NEK8: variants seen among roughly 807,000 people sequenced by gnomAD.
NEK8 encodes NIMA related kinase 8.
In NEK8, 51 loss-of-function variants were observed where a neutral mutation model predicts 77.2. The ratio of observed to expected loss-of-function variants is 0.66; its 90% confidence interval spans 0.53 to 0.83. NEK8 has a LOEUF of 0.83. Ranked by LOEUF, NEK8 falls within the 40% of genes least tolerant of loss-of-function variation. NEK8 has a pLI of 0.00. For missense variants in NEK8, 787 were observed against 909.2 expected, an observed-to-expected ratio of 0.87 and a Z score of 1.73; for synonymous variants, 365 against 363.2, an observed-to-expected ratio of 1.00 and a Z score of -0.06.
Position 28,742,033 on chromosome 17 carries a change from T to C in NEK8, c.*46T>C, listed in dbSNP as rs1170653843. Reference sequence around the variant, plus strand: ...GACCACCCTGATATTGCTTCTCCTCTGAATGCTCTGAAAAGTGCAGGTGCC... The same window carrying C: ...GACCACCCTGATATTGCTTCTCCTCCGAATGCTCTGAAAAGTGCAGGTGCC... On this transcript the variant is annotated 3_prime_UTR_variant, in exon 15 of 15. Coordinates refer to ENST00000268766, the MANE Select transcript of NEK8 (RefSeq NM_178170.3). 6.3e-7 allele frequency: 1 copy of C among 1,589,030 alleles called. No homozygotes were observed.
chr17:28,741,284 G>A lies in NEK8; in HGVS notation c.1891+48G>A. On this transcript the variant is annotated intron_variant, in intron 13 of 14. Coordinates refer to ENST00000268766, the MANE Select transcript of NEK8 (RefSeq NM_178170.3). The surrounding 1 kb of genome is among the most constrained non-coding windows in gnomAD (Gnocchi z 4.5). ...GCAGACAGTGCCATGAGCAGTGGGG[G>A]GTGGGGGTTGCTATTCAGGGCCACT... The A allele has an allele frequency of 6.3e-7, 1 of 1,593,182 alleles. No homozygotes were observed. Among genetic ancestry groups the A allele is most frequent in the Non-Finnish European group, 8.6e-7 (1 of 1,167,916 alleles).
intron 1 of NEK8, among the ~76,000 whole-genome samples, chr17:28,730,945 AAAAGAAAGAAAGG>A (rs904714731): frequency 5.3e-5 from 8 of 151,660 alleles, no homozygotes; most frequent in African/African-American, 1.9e-4. Flanking sequence ...ATACAAGAAA[AAAAGAAAGAAAGG>A]AAAGAAAGAA....
At position 28,740,706 on chromosome 17, in the gene NEK8, A is replaced by C; in HGVS notation, c.1568+93A>C. On this transcript the variant is annotated intron_variant, in intron 11 of 14. Coordinates refer to ENST00000268766, the MANE Select transcript of NEK8 (RefSeq NM_178170.3). This position sits in a 1 kb window ranked among gnomAD's most constrained non-coding sequence, Gnocchi z 4.7. Reference sequence around the variant, plus strand: ...TTGCCTACCTTTCACCAAAGACCAGAATTGAGGGGGTTGAGGGTGCTATTG... The same window carrying C: ...TTGCCTACCTTTCACCAAAGACCAGCATTGAGGGGGTTGAGGGTGCTATTG... The C allele has an allele frequency of 1.3e-6, 2 of 1,583,886 alleles. No individual in the cohort carries two copies. The highest frequency in any genetic ancestry group is 1.7e-6 in the Non-Finnish European group (2 of 1,153,602).
rs551218741 is a variant in NEK8, at chr17:28,734,628, A to T, written c.254-144A>T. On this transcript the variant is annotated intron_variant, in intron 2 of 14. Transcript: ENST00000268766. ...GAACCCGGGAGGGGGGGCTTGCAGC[A>T]GTGAGCTGAGATCATGCCACTGCAC... is the stretch of plus-strand genomic sequence containing the variant. 4.6e-5 allele frequency: 30 copies of T among 654,664 alleles called. No homozygotes were observed. The South Asian group carries it at 5.1e-4, about 11-fold the overall frequency. 40.6% of individuals were successfully genotyped at this position (654,664 alleles called of 1,614,324 possible).
chr17:28,736,119 G>A (rs1243939676), intron 4 of NEK8, among the ~76,000 whole-genome samples: 11 of 152,046 alleles, frequency 7.2e-5, no homozygotes, highest in Admixed American at 1.3e-4. Context: ...CATTTTTTAC[G>A]GCTGCATAGT....
In NEK8 at chr17:28,740,526, G is replaced by C. The variant is rs143743028; in HGVS notation, c.1481G>C (p.Gly494Ala). 23 of 1,614,006 alleles carry C rather than the reference G, an allele frequency of 1.4e-5. No homozygotes were observed. The highest frequency in any genetic ancestry group is 1.9e-5 in the Non-Finnish European group (22 of 1,180,018). The change falls in exon 11 of 15, where the codon GGA becomes GCA. Residue 494 changes from glycine (G) to alanine (A), a missense_variant. Around this residue, in one of 2 missense-constraint regions of NEK8, gnomAD observed 516 missense variants for 544.0 expected, o/e 0.95. Transcript: ENST00000268766. The surrounding 1 kb of genome is among the most constrained non-coding windows in gnomAD (Gnocchi z 4.7). ...CCCCAGCAGGTGCCCATGCCCCCAG[G>C]ACAGGAAGCTCAGCGAGTTGTATGT... ...SCPQQVPMPP[G>A]QEAQRVVCGI...
At chr17:28,735,091 C>A (rs1328642893) in intron 3 of NEK8, 87 bp downstream of exon 3, 17 of 1,517,660 alleles carry the variant, frequency 1.1e-5, no homozygotes, top group Non-Finnish European at 1.5e-5. Context: ...CCCTAAAAAA[C>A]CCTTGGCCCT....
intron 1 of NEK8, among the ~76,000 whole-genome samples, chr17:28,731,498 C>T (rs1222796966): frequency 6.6e-6 from 1 of 151,952 alleles, no homozygotes; most frequent in East Asian, 1.9e-4. Flanking sequence ...GAGATCGCGC[C>T]GCTCCACTCC....
Position 28,741,630 on chromosome 17 carries a change from C to T in NEK8, c.2050+59C>T. 1 of 1,561,384 alleles carries T rather than the reference C, an allele frequency of 6.4e-7. No individual in the cohort carries two copies. ...CCCAGCTGGCCCCTGTCCACACTCC[C>T]ATCCCCAGTGTTCACAGATGGCCAC... On this transcript the variant is annotated intron_variant, in intron 14 of 14. Transcript: ENST00000268766. This position sits in a 1 kb window ranked among gnomAD's most constrained non-coding sequence, Gnocchi z 4.5.
rs752579944 is a variant in NEK8 at position 28,742,764 on chromosome 17, CAAA to C, written c.*790_*792del. On this transcript the variant is annotated 3_prime_UTR_variant, in exon 15 of 15. Coordinates refer to ENST00000268766, the MANE Select transcript of NEK8 (RefSeq NM_178170.3). ...ACCATAGCGAGACCGCTGTCTCCAC[CAAA>C]AAAAAAAAAAAAGAAGAAAATAAGG... 3.2e-4 allele frequency: 41 copies of C among 126,286 alleles called. No homozygotes were observed. The highest frequency in any genetic ancestry group is 2.4e-4 in the Admixed American group (3 of 12,454). The allele number at this position is 126,286 out of a possible 1,614,324, so 7.8% of individuals were successfully genotyped here.
intron 4 of NEK8, among the ~76,000 whole-genome samples, chr17:28,736,174 T>C (rs2034364067): frequency 1.3e-5 from 2 of 152,188 alleles, no homozygotes; most frequent in African/African-American, 4.8e-5. Context: ...CCATCTATCA[T>C]TGTTGGACAT....
chr17:28,731,252 AC>A (rs926185264), intron 1 of NEK8, among the ~76,000 whole-genome samples: 1 of 151,712 alleles, frequency 6.6e-6, no homozygotes, highest in African/African-American at 2.4e-5. Context: ...AAAAATAAAA[AC>A]AAAAAGGCCG....
At position 28,740,549 on chromosome 17, in the gene NEK8, T is replaced by G. The variant is rs759649914; in HGVS notation, c.1504T>G (p.Cys502Gly). 3.7e-6 allele frequency: 6 copies of G among 1,614,152 alleles called. No homozygotes were observed. The highest frequency in any genetic ancestry group is 5.1e-6 in the Non-Finnish European group (6 of 1,179,996). The change falls in exon 11 of 15, where the codon TGT (cysteine) becomes GGT (glycine). Residue 502 changes from cysteine to glycine, a missense_variant. Coordinates refer to ENST00000268766, the MANE Select transcript of NEK8 (RefSeq NM_178170.3). The surrounding 1 kb of genome is among the most constrained non-coding windows in gnomAD (Gnocchi z 4.7). ...AGGACAGGAAGCTCAGCGAGTTGTA[T>G]GTGGTATCGATTCCTCCATGATCCT... ...PPGQEAQRVVCGIDSSMILTV... is the reference protein window; with the variant it reads ...PPGQEAQRVVGGIDSSMILTV...
Position 28,737,401 on chromosome 17 carries a change from A to T in NEK8, c.714A>T (p.Leu238=), listed in dbSNP as rs150904619. 2.7e-5 allele frequency: 43 copies of T among 1,613,434 alleles called. No homozygotes were observed. The highest frequency in any genetic ancestry group is 3.4e-5 in the Non-Finnish European group (40 of 1,180,002). The change falls in exon 5 of 15, where the codon CTA becomes CTT. Residue 238 remains leucine (L), a synonymous_variant. Coordinates refer to ENST00000268766, the MANE Select transcript of NEK8 (RefSeq NM_178170.3). This position sits in a 1 kb window ranked among gnomAD's most constrained non-coding sequence, Gnocchi z 4.8. ...SPELRQLVLS[L]LSLEPAQRPP... is the part of the protein sequence containing the mutation. ...AGCTTCGCCAGCTGGTCCTGAGTCT[A>T]CTCAGCCTGGAGCCTGCCCAGCGGC...
rs1437003682 is a variant in NEK8 at position 28,741,020 on chromosome 17, G to A, written c.1732+35G>A. 1 of 1,614,100 alleles carries A rather than the reference G, an allele frequency of 6.2e-7. No individual in the cohort carries two copies. Among genetic ancestry groups the A allele is most frequent in the African/African-American group, 1.3e-5 (1 of 75,038 alleles). On this transcript the variant is annotated intron_variant, in intron 12 of 14. Transcript: ENST00000268766. The surrounding 1 kb of genome is among the most constrained non-coding windows in gnomAD (Gnocchi z 4.5). Reference sequence around the variant, plus strand: ...ACTTGGGCTCTGGAGGTCAGAGGGGGACTCACGGTCTCCTTGGTACCCTGT... The same window carrying A: ...ACTTGGGCTCTGGAGGTCAGAGGGGAACTCACGGTCTCCTTGGTACCCTGT...
At chr17:28,730,928 A>C (rs764413900) in intron 1 of NEK8, among the ~76,000 whole-genome samples, 1 of 151,978 alleles carries the variant, frequency 6.6e-6, no homozygotes, top group Non-Finnish European at 1.5e-5. Flanking sequence ...ATCTAAAAAA[A>C]GAAATAATAC....
Position 28,742,764 on chromosome 17 carries a change from CA to C in NEK8, c.*792del, listed in dbSNP as rs752579944. ...ACCATAGCGAGACCGCTGTCTCCAC[CA>C]AAAAAAAAAAAAAAGAAGAAAATAA... On this transcript the variant is annotated 3_prime_UTR_variant, in exon 15 of 15. Transcript: ENST00000268766. 563 of 126,214 alleles carry C rather than the reference CA, an allele frequency of 4.5e-3. No individual in the cohort carries two copies. Among genetic ancestry groups the C allele is most frequent in the Admixed American group, 4.3e-3 (53 of 12,440 alleles). 7.8% of individuals were successfully genotyped at this position (126,214 alleles called of 1,614,324 possible). A position where few individuals can be genotyped will look rare whatever the true frequency, so the allele number is the denominator to read the frequency against.
intron 10 of NEK8, among the ~76,000 whole-genome samples, chr17:28,739,711 T>A (rs560840613): frequency 1.3e-5 from 2 of 152,260 alleles, no homozygotes; most frequent in South Asian, 4.1e-4. Flanking sequence ...CCTCCCAAAG[T>A]GCTGGGATTA....
At position 28,740,826 on chromosome 17, in the gene NEK8, A is replaced by G; in HGVS notation, c.1573A>G (p.Asn525Asp). The G allele has an allele frequency of 1.2e-6, 2 of 1,613,694 alleles. No homozygotes were observed. The highest frequency in any genetic ancestry group is 8.5e-7 in the Non-Finnish European group (1 of 1,180,014). Reference protein sequence around the residue: ...QALACGSNRFNKLGLDHLSLG... With the variant: ...QALACGSNRFDKLGLDHLSLG... ...GGCTTCTGGCTCTGCCCTCAGGTTC[A>G]ACAAGCTGGGCCTGGACCACCTCTC... Residue 525 changes from asparagine to aspartate, a missense_variant, in exon 12 of 15, where the codon AAC (asparagine) becomes GAC (aspartate). Asn to Asp is a conservative substitution (Grantham distance 23, BLOSUM62 1). Around this residue, in one of 2 missense-constraint regions of NEK8, gnomAD observed 516 missense variants for 544.0 expected, o/e 0.95. Transcript: ENST00000268766. The surrounding 1 kb of genome is among the most constrained non-coding windows in gnomAD (Gnocchi z 4.7).
Sources: allele counts gnomAD v4.1 joint callset (sites outside exome capture counted in the v4.1 genomes callset), GRCh38; gene constraint gnomAD v4.1.1; regional missense constraint gnomAD v4.1.1; non-coding constraint Gnocchi (gnomAD v3.1); transcripts MANE v1.5; gene names NCBI Gene and HGNC (gene_info 2026-07-23, HGNC 2026-07-21).